The following COL4A4 variants were observed in gnomAD, a reference collection of about 807,000 sequenced individuals.
The protein encoded by COL4A4 is collagen type IV alpha 4 chain, also known as collagen alpha-4(IV) chain.
COL4A4 carries 105 observed loss-of-function variants against 192.9 expected under a neutral mutation model. That is an observed-to-expected ratio of 0.54 (90% CI 0.46 to 0.64). The LOEUF is 0.64. Ranked by LOEUF, COL4A4 falls within the 30% of genes least tolerant of loss-of-function variation. COL4A4 has a pLI of 0.00. For synonymous variants in COL4A4, 762 were observed against 769.9 expected (o/e 0.99, Z 0.17); for missense variants, 1,967 against 2,169.3 (o/e 0.91, Z 1.85).
chr2:227,116,275 G>A (rs980459980), intron 7 of COL4A4, among the ~76,000 whole-genome samples: 1 of 152,142 alleles, frequency 6.6e-6, no homozygotes, highest in Non-Finnish European at 1.5e-5. Context: ...AGAGGCCTGG[G>A]GGTCCTCTCC....
the COL4A4 span, chr2:226,988,379 A>G: frequency 6.4e-7 from 1 of 1,550,428 alleles, no homozygotes; most frequent in South Asian, 1.2e-5. Context: ...GGACCCCAAG[A>G]TAAAGGTCAG....
chr2:227,154,106 C>T (rs2064151748), intron 1 of COL4A4, among the ~76,000 whole-genome samples: 1 of 152,174 alleles, frequency 6.6e-6, no homozygotes, highest in Non-Finnish European at 1.5e-5. Flanking sequence ...AGATCCACAA[C>T]CTCTTTCCCA....
chr2:227,061,944 T>C (rs1420201478), intron 26 of COL4A4, among the ~76,000 whole-genome samples: 4 of 151,882 alleles, frequency 2.6e-5, no homozygotes, highest in Admixed American at 1.3e-4. Context: ...GAAGATACAG[T>C]TTTAAAACTT....
At chr2:227,126,285 C>A (rs1559690121) in intron 4 of COL4A4, among the ~76,000 whole-genome samples, 1 of 152,160 alleles carries the variant, frequency 6.6e-6, no homozygotes, top group Non-Finnish European at 1.5e-5. Flanking sequence ...CAGAGGGGAA[C>A]TGGAACCAAT....
intron 25 of COL4A4, among the ~76,000 whole-genome samples, chr2:227,076,749 A>T (rs1283847630): frequency 2.0e-5 from 3 of 152,122 alleles, no homozygotes; most frequent in Non-Finnish European, 4.4e-5. Flanking sequence ...ATCTGACAAA[A>T]GTCTAATATC....
intron 25 of COL4A4, among the ~76,000 whole-genome samples, chr2:227,064,894 C>T (rs754374391): frequency 5.1e-4 from 78 of 152,132 alleles, no homozygotes; most frequent in Non-Finnish European, 9.0e-4. Context: ...GGAAGATGGC[C>T]GAATAGGAAC....
intron 19 of COL4A4, among the ~76,000 whole-genome samples, chr2:227,096,146 T>C (rs1576469628): frequency 6.6e-6 from 1 of 152,150 alleles, no homozygotes; most frequent in Non-Finnish European, 1.5e-5. Flanking sequence ...GCTTCTGCCT[T>C]GTGAGCCAAA....
At chr2:226,974,438 C>T in the COL4A4 span, among the ~76,000 whole-genome samples, 4 of 152,090 alleles carry the variant, frequency 2.6e-5, no homozygotes, top group African/African-American at 7.2e-5. Context: ...GGGGTTTCAC[C>T]GTGTTAGCCA....
At chr2:227,017,096 A>C (rs990914093) in intron 44 of COL4A4, among the ~76,000 whole-genome samples, 4 of 152,186 alleles carry the variant, frequency 2.6e-5, no homozygotes, top group Non-Finnish European at 5.9e-5. Flanking sequence ...CATGCAATAT[A>C]TTCTAGAAAG....
chr2:227,075,658 G>A (rs1399100722), intron 25 of COL4A4, among the ~76,000 whole-genome samples: 1 of 152,122 alleles, frequency 6.6e-6, no homozygotes, highest in Non-Finnish European at 1.5e-5. Flanking sequence ...GCAACAGAAA[G>A]AAATAAAGAG....
intron 13 of COL4A4, 71 bp downstream of exon 13, chr2:227,103,901 T>C (rs2060666842): frequency 1.2e-5 from 14 of 1,176,714 alleles, no homozygotes; most frequent in Non-Finnish European, 1.6e-5. Context: ...TATACTTTGC[T>C]GCCACAGATC....
chr2:227,045,984 TATATTTAG>T lies in COL4A4; in HGVS notation c.3289+1483_3289+1490del, dbSNP rs1459210216. Among the ~76,000 whole-genome samples the T allele has an allele frequency of 4.0e-4, 52 of 129,188 alleles. 1 individual carries two copies. The highest frequency in any genetic ancestry group is 5.2e-4 in the African/African-American group (18 of 34,334). 84.8% of individuals were successfully genotyped at this position (129,188 alleles called of 152,430 possible). On this transcript the variant is annotated intron_variant, in intron 35 of 47. Coordinates refer to ENST00000396625, the MANE Select transcript of COL4A4 (RefSeq NM_000092.5). ...GTATATATTTATATGTGTATATGTA[TATATTTAG>T]ATATTTAGATATATTTAGATAGTAT...
At chr2:227,139,803 C>A (rs375892667) in intron 4 of COL4A4, among the ~76,000 whole-genome samples, 29 of 152,320 alleles carry the variant, frequency 1.9e-4, no homozygotes, top group African/African-American at 7.0e-4. Flanking sequence ...AAAGACCAAA[C>A]AAACTTGGAT....
intron 1 of COL4A4, among the ~76,000 whole-genome samples, chr2:227,151,612 T>G (rs2063950809): frequency 6.6e-6 from 1 of 152,204 alleles, no homozygotes; most frequent in Non-Finnish European, 1.5e-5. Context: ...AGTAGTAAAC[T>G]GCCATGGTCT....
At chr2:227,066,003 T>G (rs1398665590) in intron 25 of COL4A4, among the ~76,000 whole-genome samples, 1 of 152,112 alleles carries the variant, frequency 6.6e-6, no homozygotes, top group Admixed American at 6.5e-5. Context: ...TGTATAACTA[T>G]AATAACCAAT....
At chr2:227,044,520 A>G (rs549613230) in intron 35 of COL4A4, among the ~76,000 whole-genome samples, 40 of 152,288 alleles carry the variant, frequency 2.6e-4, no homozygotes, top group African/African-American at 8.7e-4. Flanking sequence ...TGAATTTAAC[A>G]TCTATTAGTC....
intron 1 of COL4A4, among the ~76,000 whole-genome samples, chr2:227,159,257 G>A (rs369751626): frequency 6.6e-6 from 1 of 152,130 alleles, no homozygotes; most frequent in South Asian, 2.1e-4. Context: ...TCTAGAAAAT[G>A]CCAACTAAAA....
At chr2:226,975,414 A>G in the COL4A4 span, among the ~76,000 whole-genome samples, 3 of 152,136 alleles carry the variant, frequency 2.0e-5, no homozygotes, top group Admixed American at 1.3e-4. Context: ...ACTCAATGAC[A>G]GTTTGCTTTC....
chr2:227,007,427 T>C lies in COL4A4; in HGVS notation c.4971A>G (p.Ala1657=), dbSNP rs371571953. The C allele has an allele frequency of 4.3e-6, 7 of 1,614,122 alleles. No homozygotes were observed. Among genetic ancestry groups the C allele is most frequent in the African/African-American group, 2.7e-5 (2 of 74,950 alleles). Residue 1657 remains alanine, a synonymous_variant, in exon 48 of 48, where the codon GCA becomes GCG. Coordinates refer to ENST00000396625, the MANE Select transcript of COL4A4 (RefSeq NM_000092.5). The part of the protein sequence containing the change: ...KYSFWLTTVK[A]DLQFSSAPAP... Reference sequence around the variant, plus strand: ...CTGGAGCAGAGGAAAACTGCAAGTCTGCTTTCACCGTTGTGAGCCAGAAGC... The same window carrying C: ...CTGGAGCAGAGGAAAACTGCAAGTCCGCTTTCACCGTTGTGAGCCAGAAGC...
Sources: gnomAD v4.1 joint callset for allele counts (sites outside exome capture counted in the v4.1 genomes callset) on GRCh38, gnomAD v4.1.1 for gene constraint, MANE v1.5 for transcripts, NCBI Gene and HGNC (gene_info 2026-07-23, HGNC 2026-07-21) for gene names.